ZFHX3: variants seen among roughly 807,000 people sequenced by gnomAD.
ZFHX3 encodes zinc finger homeobox protein 3.
ZFHX3 carries 42 observed loss-of-function variants against 279.1 expected under a neutral mutation model. The observed-to-expected ratio is 0.15, with a 90% CI of 0.12 to 0.19. The LOEUF (loss-of-function observed/expected upper bound fraction) is 0.19. Ranked by LOEUF, ZFHX3 falls within the 10% of genes least tolerant of loss-of-function variation. The pLI is 1.00. For synonymous variants in ZFHX3, 2,293 were observed against 1,957.8 expected, an observed-to-expected ratio of 1.17 and a Z score of -4.52; for missense variants, 4,981 against 4,754.0, an observed-to-expected ratio of 1.05 and a Z score of -1.40.
At position 72,960,104 on chromosome 16, in the gene ZFHX3, A is replaced by G; in HGVS notation, c.42T>C (p.Asn14=). Residue 14 remains asparagine (N), a synonymous_variant, in exon 2 of 10, where the codon AAT becomes AAC. Transcript: ENST00000268489. ...CDSPVVSGKD[N]GCGIPQHQQW... ...GCTGGTGCTGAGGGATACCGCACCC[A>G]TTGTCCTTCCCCGAGACGACGGGCG... 6.2e-7 allele frequency: 1 copy of G among 1,603,086 alleles called. No homozygotes were observed. Among genetic ancestry groups the G allele is most frequent in the Non-Finnish European group, 8.5e-7 (1 of 1,175,418 alleles).
At chr16:73,456,527 C>A (rs1006979074) in intron 2 of ZFHX3, among the ~76,000 whole-genome samples, 1 of 152,150 alleles carries the variant, frequency 6.6e-6, no homozygotes, top group Non-Finnish European at 1.5e-5. Context: ...TTACACAGAA[C>A]GCTTACCACT....
intron 5 of ZFHX3, among the ~76,000 whole-genome samples, chr16:73,183,024 G>C (rs1256383552): frequency 2.0e-5 from 3 of 152,162 alleles, no homozygotes; most frequent in Non-Finnish European, 4.4e-5. Flanking sequence ...GACCAATATG[G>C]TGAAACCCCA....
At chr16:73,052,006 C>T (rs1004442804), upstream of ZFHX3, among the ~76,000 whole-genome samples, 22 of 152,166 alleles carry the variant, frequency 1.4e-4, no homozygotes, top group African/African-American at 4.8e-4. Flanking sequence ...GAGAGAGAGG[C>T]GCTTTGTTTG....
At chr16:73,062,725 A>G (rs1965700896), upstream of ZFHX3, among the ~76,000 whole-genome samples, 1 of 151,984 alleles carries the variant, frequency 6.6e-6, no homozygotes, top group African/African-American at 2.4e-5. Flanking sequence ...GAAGCAAAAA[A>G]AAAAAAGGAA....
chr16:73,433,824 C>A (rs1168930768), intron 3 of ZFHX3, among the ~76,000 whole-genome samples: 1 of 152,156 alleles, frequency 6.6e-6, no homozygotes, highest in Admixed American at 6.5e-5. Flanking sequence ...CTGGGTGAGC[C>A]GTGGCTTCCC....
chr16:72,895,958 G>A (rs2038889849), intron 3 of ZFHX3, among the ~76,000 whole-genome samples: 1 of 152,150 alleles, frequency 6.6e-6, no homozygotes. Flanking sequence ...AACTGCAAAG[G>A]TACTGTAGCT....
intron 1 of ZFHX3, among the ~76,000 whole-genome samples, chr16:73,791,773 T>C (rs545501865): frequency 1.2e-4 from 18 of 152,362 alleles, no homozygotes; most frequent in Admixed American, 7.8e-4. Flanking sequence ...GTTGCAGGTC[T>C]GGGAACCGCA....
chr16:72,942,497 C>T (rs1421718825), intron 3 of ZFHX3, among the ~76,000 whole-genome samples: 1 of 151,948 alleles, frequency 6.6e-6, no homozygotes, highest in Non-Finnish European at 1.5e-5. Flanking sequence ...AATAGAGAAT[C>T]GGGGGGATTC....
chr16:73,794,278 C>T (rs1377357140), intron 1 of ZFHX3: 3 of 152,066 alleles, frequency 2.0e-5, no homozygotes, highest in East Asian at 1.9e-4. Context: ...ATGAGGAGAC[C>T]CCTAGGCCAC....
At chr16:73,620,157 GA>G (rs1054220298) in intron 2 of ZFHX3, among the ~76,000 whole-genome samples, 2 of 152,174 alleles carry the variant, frequency 1.3e-5, no homozygotes, top group Non-Finnish European at 2.9e-5. Flanking sequence ...TTCAGTCCCA[GA>G]GCTACAATTG....
chr16:73,113,375 G>C (rs1388255854), intron 7 of ZFHX3, among the ~76,000 whole-genome samples: 1 of 152,138 alleles, frequency 6.6e-6, no homozygotes, highest in Admixed American at 6.6e-5. Flanking sequence ...TTAGCAAAAG[G>C]CCTGAGGAAG....
At chr16:73,862,731 C>A (rs904656815) in intron 1 of ZFHX3, among the ~76,000 whole-genome samples, 1 of 152,006 alleles carries the variant, frequency 6.6e-6, no homozygotes, top group Admixed American at 6.5e-5. Flanking sequence ...GAGCTGTGAT[C>A]ACGCCACTGC....
chr16:73,771,556 G>A (rs1368215981), intron 1 of ZFHX3, among the ~76,000 whole-genome samples: 1 of 152,130 alleles, frequency 6.6e-6, no homozygotes, highest in Non-Finnish European at 1.5e-5. Context: ...CTTCCTCTGA[G>A]GCTGCTGCAC....
intron 7 of ZFHX3, among the ~76,000 whole-genome samples, chr16:73,124,518 G>C (rs1458657536): frequency 6.6e-6 from 1 of 152,142 alleles, no homozygotes; most frequent in Non-Finnish European, 1.5e-5. Context: ...GCGGGCTTTG[G>C]AGCCAGGCAG....
intron 1 of ZFHX3, among the ~76,000 whole-genome samples, chr16:73,715,431 G>A (rs2053404885): frequency 6.6e-6 from 1 of 152,032 alleles, no homozygotes; most frequent in African/African-American, 2.4e-5. Context: ...ACTTCATGCT[G>A]GCAATGGATT....
intron 1 of ZFHX3, among the ~76,000 whole-genome samples, chr16:73,760,308 TC>T (rs1288488115): frequency 6.6e-6 from 1 of 152,004 alleles, no homozygotes. Flanking sequence ...CGCCTACCAA[TC>T]AAAAAATGCC....
At chr16:73,523,164 G>A (rs935573952) in intron 2 of ZFHX3, among the ~76,000 whole-genome samples, 1 of 152,112 alleles carries the variant, frequency 6.6e-6, no homozygotes, top group Non-Finnish European at 1.5e-5. Flanking sequence ...CATAACACAA[G>A]ACTTCTTCTG....
At chr16:73,364,076 C>G (rs1228406790) in intron 3 of ZFHX3, among the ~76,000 whole-genome samples, 1 of 151,690 alleles carries the variant, frequency 6.6e-6, no homozygotes, top group Non-Finnish European at 1.5e-5. Context: ...GGGAGGCTGA[C>G]ACACAAGAAC....
At chr16:73,887,555 G>C (rs917108997) in intron 1 of ZFHX3, among the ~76,000 whole-genome samples, 1 of 151,874 alleles carries the variant, frequency 6.6e-6, no homozygotes, top group Non-Finnish European at 1.5e-5. Context: ...ACTACACCAC[G>C]GCAACAACAA....
Sources: allele counts gnomAD v4.1 joint callset (sites outside exome capture counted in the v4.1 genomes callset), GRCh38; gene constraint gnomAD v4.1.1; transcripts MANE v1.5; gene names NCBI Gene and HGNC (gene_info 2026-07-23, HGNC 2026-07-21).